The following BICC1 variants were observed in gnomAD, a reference collection of about 807,000 sequenced individuals.
The protein encoded by BICC1 is BicC family RNA binding protein 1.
In BICC1, 43 loss-of-function variants were observed where a neutral mutation model predicts 111.0. The ratio of observed to expected loss-of-function variants is 0.39; its 90% CI spans 0.30 to 0.50. BICC1 has a LOEUF of 0.50. Ranked by LOEUF, BICC1 falls within the 20% of genes least tolerant of loss-of-function variation. The probability of loss-of-function intolerance (pLI) is 0.88; values close to 1 mark genes in which losing one functional copy is unlikely to be tolerated. For synonymous variants in BICC1, 467 were observed against 434.4 expected, an observed-to-expected ratio of 1.07 and a Z score of -0.93; for missense variants, 1,091 against 1,203.2, an observed-to-expected ratio of 0.91 and a Z score of 1.38.
intron 1 of BICC1, among the ~76,000 whole-genome samples, chr10:58,518,864 C>T (rs1170552378): frequency 6.6e-6 from 1 of 152,112 alleles, no homozygotes; most frequent in Admixed American, 6.5e-5. Context: ...CTCACGCTCA[C>T]GGGCATGGAG....
chr10:58,679,709 C>T (rs961464293), intron 2 of BICC1, among the ~76,000 whole-genome samples: 2 of 152,086 alleles, frequency 1.3e-5, no homozygotes, highest in African/African-American at 4.8e-5. Context: ...ATCCTGATGC[C>T]AAAACCTGGC....
intron 1 of BICC1, among the ~76,000 whole-genome samples, chr10:58,528,009 G>C (rs938473878): frequency 1.3e-5 from 2 of 151,958 alleles, no homozygotes; most frequent in African/African-American, 4.8e-5. Context: ...CCTGTAAATA[G>C]TTGGTATTTT....
chr10:58,597,010 A>C (rs944798923), intron 1 of BICC1, among the ~76,000 whole-genome samples: 1 of 152,236 alleles, frequency 6.6e-6, no homozygotes, highest in African/African-American at 2.4e-5. Context: ...TGCTATCCCC[A>C]TCAAGCTACC....
At chr10:58,532,782 T>C (rs1390440749) in intron 1 of BICC1, among the ~76,000 whole-genome samples, 1 of 151,896 alleles carries the variant, frequency 6.6e-6, no homozygotes, top group Non-Finnish European at 1.5e-5. Flanking sequence ...GCCAAAACTG[T>C]TGTGCTAAGA....
At chr10:58,547,537 T>C (rs1762944362) in intron 1 of BICC1, among the ~76,000 whole-genome samples, 1 of 152,138 alleles carries the variant, frequency 6.6e-6, no homozygotes, top group Admixed American at 6.6e-5. Flanking sequence ...TGTAATGGTA[T>C]TGAAGGCACT....
intron 9 of BICC1, among the ~76,000 whole-genome samples, chr10:58,795,764 A>C (rs1204823009): frequency 2.0e-5 from 3 of 152,014 alleles, no homozygotes. Flanking sequence ...TTTTTTTACC[A>C]TAAGCTTTGC....
intron 15 of BICC1, among the ~76,000 whole-genome samples, chr10:58,805,775 G>C (rs1464845515): frequency 2.0e-5 from 3 of 152,180 alleles, no homozygotes; most frequent in Non-Finnish European, 4.4e-5. Flanking sequence ...GGTCCTTGTG[G>C]TAGGCCTTTG....
intron 1 of BICC1, among the ~76,000 whole-genome samples, chr10:58,569,355 A>C (rs528763418): frequency 6.6e-6 from 1 of 152,274 alleles, no homozygotes; most frequent in South Asian, 2.1e-4. Context: ...GAATATATGT[A>C]CATGCCACAA....
At position 58,829,381 on chromosome 10, in the gene BICC1, T is replaced by A. The variant is rs545476935; in HGVS notation, c.*490T>A. 6.6e-6 allele frequency: 1 copy of A among 152,230 alleles called. No homozygotes were observed. The highest frequency in any genetic ancestry group is 1.5e-5 in the Non-Finnish European group (1 of 68,158). 9.4% of individuals were successfully genotyped at this position (152,230 alleles called of 1,614,324 possible). On this transcript the variant is annotated 3_prime_UTR_variant, in exon 21 of 21. Coordinates refer to ENST00000373886, the MANE Select transcript of BICC1 (RefSeq NM_001080512.3). ...TAATTATTGTGGTCTTTCAGCACTTTACACGTTCTAATTTCTTGTCCTATG... is the reference window on the plus strand; with the variant it reads ...TAATTATTGTGGTCTTTCAGCACTTAACACGTTCTAATTTCTTGTCCTATG...
chr10:58,666,140 G>C (rs1360366596), intron 2 of BICC1, among the ~76,000 whole-genome samples: 3 of 152,214 alleles, frequency 2.0e-5, no homozygotes, highest in Non-Finnish European at 4.4e-5. Flanking sequence ...CTCCAGGGGT[G>C]CCTTGTGGTC....
chr10:58,552,679 G>T lies in BICC1; in HGVS notation c.190+39346G>T, dbSNP rs1234248024. ...TTTGTGCTATGTCATATAGTATTTTGACCAGAAATAAGGAAATTGAGTTAA... is the reference window on the plus strand; with the variant it reads ...TTTGTGCTATGTCATATAGTATTTTTACCAGAAATAAGGAAATTGAGTTAA... On this transcript the variant is annotated intron_variant, in intron 1 of 20. Coordinates refer to ENST00000373886, the MANE Select transcript of BICC1 (RefSeq NM_001080512.3). Among the ~76,000 whole-genome samples, 6 of 152,192 alleles carry T rather than the reference G, an allele frequency of 3.9e-5. No homozygotes were observed. In the East Asian group the frequency reaches 1.2e-3, roughly 29 times the overall value.
chr10:58,724,403 ATGTGTGTG>A (rs369203424), intron 3 of BICC1, among the ~76,000 whole-genome samples: 1 of 151,182 alleles, frequency 6.6e-6, no homozygotes, highest in Admixed American at 6.6e-5. Context: ...ATATGTGTGT[ATGTGTGTG>A]TGTGTGTAAT....
chr10:58,512,750 C>A (rs1842121198), upstream of BICC1, among the ~76,000 whole-genome samples: 1 of 151,424 alleles, frequency 6.6e-6, no homozygotes, highest in African/African-American at 2.4e-5. Flanking sequence ...GCGCCAGGGG[C>A]CGCCCGCCCG....
chr10:58,793,803 C>G (rs1216793918), intron 9 of BICC1, among the ~76,000 whole-genome samples, 188 bp downstream of exon 9: 2 of 152,098 alleles, frequency 1.3e-5, no homozygotes, highest in Non-Finnish European at 2.9e-5. Flanking sequence ...AGGAAATGCT[C>G]ATTGGAGCAT....
intron 2 of BICC1, among the ~76,000 whole-genome samples, chr10:58,677,606 C>A (rs1410893802): frequency 6.6e-6 from 1 of 152,138 alleles, no homozygotes; most frequent in African/African-American, 2.4e-5. Flanking sequence ...AGAATGGAAC[C>A]AAGTTGGAAA....
chr10:58,525,952 A>G (rs928064683), intron 1 of BICC1, among the ~76,000 whole-genome samples: 10 of 151,660 alleles, frequency 6.6e-5, no homozygotes, highest in African/African-American at 2.2e-4. Flanking sequence ...AAAATTTTTT[A>G]TAGTTATGAA....
At chr10:58,683,466 T>G (rs1482549766) in intron 2 of BICC1, among the ~76,000 whole-genome samples, 3 of 152,356 alleles carry the variant, frequency 2.0e-5, no homozygotes, top group Admixed American at 2.0e-4. Flanking sequence ...ATAAATTATC[T>G]TGGGCAGTAT....
At chr10:58,675,093 T>C (rs992928222) in intron 2 of BICC1, among the ~76,000 whole-genome samples, 1 of 152,128 alleles carries the variant, frequency 6.6e-6, no homozygotes, top group Non-Finnish European at 1.5e-5. Context: ...GACATGGTTT[T>C]GGAGAGGGAA....
chr10:58,647,605 A>G (rs1467227593), intron 2 of BICC1, among the ~76,000 whole-genome samples: 1 of 152,152 alleles, frequency 6.6e-6, no homozygotes, highest in Non-Finnish European at 1.5e-5. Context: ...CATCATCTTC[A>G]CGATAACCTG....
Sources: gnomAD v4.1 joint callset for allele counts (sites outside exome capture counted in the v4.1 genomes callset) on GRCh38, gnomAD v4.1.1 for gene constraint, MANE v1.5 for transcripts, NCBI Gene and HGNC (gene_info 2026-07-23, HGNC 2026-07-21) for gene names.